SH3PXD2A: variants seen among roughly 807,000 people sequenced by gnomAD.
SH3PXD2A encodes the protein SH3 and PX domains 2A, also known as SH3 and PX domain-containing protein 2A.
SH3PXD2A carries 32 observed loss-of-function variants against 115.2 expected under a neutral mutation model. The ratio of observed to expected loss-of-function variants is 0.28; its 90% confidence interval spans 0.21 to 0.37. SH3PXD2A has a LOEUF of 0.37. SH3PXD2A is among the 10% of genes least tolerant of loss of function. SH3PXD2A has a pLI of 1.00. For missense variants in SH3PXD2A, 1,328 were observed against 1,498.7 expected, an observed-to-expected ratio of 0.89 and a Z score of 1.88; for synonymous variants, 610 against 629.1, an observed-to-expected ratio of 0.97 and a Z score of 0.45.
Position 103,703,178 on chromosome 10 carries a change from C to T in SH3PXD2A, c.399-10122G>A, listed in dbSNP as rs2037940970. On this transcript the variant is annotated intron_variant, in intron 5 of 14. Coordinates refer to ENST00000369774, the MANE Select transcript of SH3PXD2A (RefSeq NM_001394015.1). The stretch of plus-strand genomic sequence containing the variant: ...TGTGGGAAAGAGGACTCGGAGGGCC[C>T]CACACTCCTCCCACACACCTAGCCC... Among the ~76,000 whole-genome samples, 2 of 152,150 alleles carry T rather than the reference C, an allele frequency of 1.3e-5. 1 individual carries two copies. Among genetic ancestry groups the T allele is most frequent in the South Asian group, 4.1e-4 (2 of 4,832 alleles).
chr10:103,595,202 A>G lies in SH3PXD2A; in HGVS notation c.*6614T>C, dbSNP rs1182516503. The G allele has an allele frequency of 2.0e-5, 3 of 152,186 alleles. No individual in the cohort carries two copies. The highest frequency in any genetic ancestry group is 4.4e-5 in the Non-Finnish European group (3 of 68,034). 9.4% of individuals were successfully genotyped at this position (152,186 alleles called of 1,614,324 possible). Reference sequence around the variant, plus strand: ...TGGGGACCCAGCGTGTGGCCCAATGAGTGGCAGTTTTTTCCTAGCCAGTTT... The same window carrying G: ...TGGGGACCCAGCGTGTGGCCCAATGGGTGGCAGTTTTTTCCTAGCCAGTTT... On this transcript the variant is annotated 3_prime_UTR_variant, in exon 15 of 15. Transcript: ENST00000369774.
chr10:103,843,113 T>C (rs1015755272), intron 1 of SH3PXD2A, among the ~76,000 whole-genome samples: 1 of 152,156 alleles, frequency 6.6e-6, no homozygotes, highest in Non-Finnish European at 1.5e-5. Context: ...GTAACAACCA[T>C]ATGGGTTAGG....
chr10:103,686,768 G>C (rs1181917133), intron 6 of SH3PXD2A, among the ~76,000 whole-genome samples: 4 of 107,570 alleles, frequency 3.7e-5, no homozygotes, highest in East Asian at 2.6e-4. Flanking sequence ...TTTTTTTTGA[G>C]ACAGAGCCTC....
intron 3 of SH3PXD2A, among the ~76,000 whole-genome samples, chr10:103,740,804 C>T (rs989560658): frequency 1.3e-5 from 2 of 152,176 alleles, no homozygotes; most frequent in African/African-American, 2.4e-5. Context: ...CCTGCCTTTC[C>T]TTCTTTCCTT....
chr10:103,724,344 G>C lies in SH3PXD2A; in HGVS notation c.324C>G (p.Pro108=), dbSNP rs751943686. Residue 108 remains proline (P), a synonymous_variant, in exon 5 of 15, where the codon CCC becomes CCG. Coordinates refer to ENST00000369774, the MANE Select transcript of SH3PXD2A (RefSeq NM_001394015.1). ...DEYCRALVRL[P]PHISQCDEVF... is the part of the protein sequence containing the mutation. ...CTTCGTCACACTGTGAGATGTGGGGGGGCAGCCGGACAAGTGCCTGTGGAG... is the reference window on the plus strand; with the variant it reads ...CTTCGTCACACTGTGAGATGTGGGGCGGCAGCCGGACAAGTGCCTGTGGAG... 6.3e-7 allele frequency: 1 copy of C among 1,580,380 alleles called. No individual in the cohort carries two copies. The highest frequency in any genetic ancestry group is 8.6e-7 in the Non-Finnish European group (1 of 1,166,734).
chr10:103,855,231 C>T lies in SH3PXD2A; in HGVS notation c.36G>A (p.Val12=). ...LAYCVQDATV[V]DVEKRRNPSK... is the part of the protein sequence containing the mutation. ...AGGGGTTCCTCCGCTTCTCCACGTC[C>T]ACCACGGTGGCATCCTGCACGCAGT... Residue 12 remains valine, a synonymous_variant, in exon 1 of 15, where the codon GTG becomes GTA. Coordinates refer to ENST00000369774, the MANE Select transcript of SH3PXD2A (RefSeq NM_001394015.1). 1 of 1,539,172 alleles carries T rather than the reference C, an allele frequency of 6.5e-7. No individual in the cohort carries two copies. The highest frequency in any genetic ancestry group is 8.8e-7 in the Non-Finnish European group (1 of 1,141,104).
rs2036156440 is a variant in SH3PXD2A, at chr10:103,597,803, G to A, written c.*4013C>T. 6.6e-6 allele frequency: 1 copy of A among 152,604 alleles called. No individual in the cohort carries two copies. The highest frequency in any genetic ancestry group is 2.4e-5 in the African/African-American group (1 of 41,432). The allele number at this position is 152,604 out of a possible 1,614,324, so 9.5% of individuals were successfully genotyped here. On this transcript the variant is annotated 3_prime_UTR_variant, in exon 15 of 15. Coordinates refer to ENST00000369774, the MANE Select transcript of SH3PXD2A (RefSeq NM_001394015.1). Reference sequence around the variant, plus strand: ...TTCCATTTTTGATTGAGAATGCAAGGTATTTGGAGGGGTAGGGGAAGTGAG... The same window carrying A: ...TTCCATTTTTGATTGAGAATGCAAGATATTTGGAGGGGTAGGGGAAGTGAG...
chr10:103,810,816 A>G (rs6584574), intron 1 of SH3PXD2A, among the ~76,000 whole-genome samples: 140,992 of 151,296 alleles, frequency 0.93, 66,098 homozygotes, highest in South Asian at 0.99. Context: ...ACAGGGACAC[A>G]GACATACACA....
chr10:103,724,465 C>G, intron 4 of SH3PXD2A, 104 bp from the exon 5 acceptor site: 2 of 630,476 alleles, frequency 3.2e-6, no homozygotes, highest in South Asian at 2.1e-5. Context: ...GGCTCAAGAA[C>G]TGAGCCATGG....
chr10:103,826,875 T>A (rs1217666406), intron 1 of SH3PXD2A, among the ~76,000 whole-genome samples: 1 of 152,116 alleles, frequency 6.6e-6, no homozygotes, highest in African/African-American at 2.4e-5. Context: ...TTTCATAAGG[T>A]TGGCAAAGGG....
At chr10:103,735,641 T>G in intron 4 of SH3PXD2A, 91 bp downstream of exon 4, 7 of 1,035,658 alleles carry the variant, frequency 6.8e-6, no homozygotes, top group Non-Finnish European at 6.0e-6. Context: ...TACAGCAACC[T>G]TTCCTCACAG....
intron 1 of SH3PXD2A, among the ~76,000 whole-genome samples, chr10:103,837,688 G>A (rs11191821): frequency 0.26 from 39,678 of 151,992 alleles, 5,406 homozygotes; most frequent in African/African-American, 0.32. Flanking sequence ...CAGGAGTCAC[G>A]GACCCTCTCT....
intron 5 of SH3PXD2A, among the ~76,000 whole-genome samples, chr10:103,694,115 T>G (rs1167466063): frequency 6.6e-6 from 1 of 152,230 alleles, no homozygotes; most frequent in African/African-American, 2.4e-5. Context: ...AGGCTGAAAG[T>G]TCTGTTCAGT....
At chr10:103,826,786 G>A (rs1407950985) in intron 1 of SH3PXD2A, among the ~76,000 whole-genome samples, 1 of 152,246 alleles carries the variant, frequency 6.6e-6, no homozygotes, top group South Asian at 2.1e-4. Context: ...CTGATATGGT[G>A]TGTGGCACAC....
intron 2 of SH3PXD2A, among the ~76,000 whole-genome samples, chr10:103,794,438 C>T (rs2039067440): frequency 6.6e-6 from 1 of 152,150 alleles, no homozygotes; most frequent in African/African-American, 2.4e-5. Context: ...TACTGTAGCC[C>T]AGCGCTTTGT....
intron 3 of SH3PXD2A, 91 bp from the exon 4 acceptor site, chr10:103,735,899 T>A: frequency 3.0e-6 from 3 of 996,824 alleles, no homozygotes; most frequent in South Asian, 2.6e-5. Flanking sequence ...CTCAGCATCT[T>A]AGTCCAGCAC....
intron 2 of SH3PXD2A, among the ~76,000 whole-genome samples, chr10:103,773,083 G>A (rs2038844265): frequency 6.6e-6 from 1 of 152,056 alleles, no homozygotes; most frequent in African/African-American, 2.4e-5. Flanking sequence ...AATTAGCTGG[G>A]CGTGGTGGCG....
chr10:103,596,380 C>G lies in SH3PXD2A; in HGVS notation c.*5436G>C, dbSNP rs1184755520. On this transcript the variant is annotated 3_prime_UTR_variant, in exon 15 of 15. Coordinates refer to ENST00000369774, the MANE Select transcript of SH3PXD2A (RefSeq NM_001394015.1). ...ACTGCCTAGGCCACTTATGCTAGAC[C>G]TGTTAATGCCAGTGTGAAATTTCCA... 1 of 152,450 alleles carries G rather than the reference C, an allele frequency of 6.6e-6. No homozygotes were observed. Among genetic ancestry groups the G allele is most frequent in the Non-Finnish European group, 1.5e-5 (1 of 68,014 alleles). The allele number at this position is 152,450 out of a possible 1,614,324, so 9.4% of individuals were successfully genotyped here.
At chr10:103,827,660 C>A (rs143619178) in intron 1 of SH3PXD2A, among the ~76,000 whole-genome samples, 1 of 152,286 alleles carries the variant, frequency 6.6e-6, no homozygotes, top group Admixed American at 6.5e-5. Context: ...ACATCCCATG[C>A]GGTTTGTGGT....
Sources: allele counts gnomAD v4.1 joint callset (sites outside exome capture counted in the v4.1 genomes callset), GRCh38; gene constraint gnomAD v4.1.1; transcripts MANE v1.5; gene names NCBI Gene and HGNC (gene_info 2026-07-23, HGNC 2026-07-21).